The following ATXN7 variants were observed in gnomAD, a reference collection of about 807,000 sequenced individuals.
ATXN7 encodes the protein ataxin 7.
A neutral mutation model predicts 70.5 loss-of-function variants in ATXN7; 12 were observed. That is an observed-to-expected ratio of 0.17 (90% CI 0.11 to 0.28). The LOEUF is 0.28. Among genes scored for constraint, ATXN7 ranks in the 10% least tolerant of loss-of-function variants. The probability of loss-of-function intolerance (pLI) is 1.00; values close to 1 mark genes in which losing one functional copy is unlikely to be tolerated. For missense variants in ATXN7, 1,256 were observed against 1,131.7 expected (o/e 1.11, Z -1.58); for synonymous variants, 498 against 448.7 (o/e 1.11, Z -1.39).
intron 9 of ATXN7, 29 bp downstream of exon 9, chr3:63,988,353 C>A (rs963350274): frequency 5.6e-6 from 9 of 1,612,734 alleles, no homozygotes; most frequent in Non-Finnish European, 7.6e-6. Flanking sequence ...CTCTTTCTCC[C>A]ACCTTCAGAG....
At chr3:63,889,244 T>C (rs570853425) in intron 1 of ATXN7, among the ~76,000 whole-genome samples, 43 of 152,278 alleles carry the variant, frequency 2.8e-4, no homozygotes, top group African/African-American at 9.6e-4. Context: ...AAAGTAGATA[T>C]TACAATTGAT....
intron 4 of ATXN7, among the ~76,000 whole-genome samples, chr3:63,929,025 A>G (rs1490499361): frequency 1.3e-5 from 2 of 152,184 alleles, no homozygotes; most frequent in East Asian, 1.9e-4. Context: ...TCTGTAGGGT[A>G]TATAGTTTGT....
chr3:63,975,371 T>C (rs967014706), intron 5 of ATXN7, among the ~76,000 whole-genome samples: 2 of 152,216 alleles, frequency 1.3e-5, no homozygotes, highest in African/African-American at 4.8e-5. Context: ...CCAAGTAAAC[T>C]GTATTCATTA....
chr3:63,974,020 G>A (rs1280333483), intron 5 of ATXN7, among the ~76,000 whole-genome samples: 1 of 152,174 alleles, frequency 6.6e-6, no homozygotes, highest in Non-Finnish European at 1.5e-5. Context: ...CCAGTCCTAG[G>A]ATTTAACCTG....
At chr3:63,962,372 T>G (rs1575956163) in intron 5 of ATXN7, among the ~76,000 whole-genome samples, 1 of 151,924 alleles carries the variant, frequency 6.6e-6, no homozygotes. Context: ...TTGCCTCTTA[T>G]GCTTGATATA....
At chr3:63,901,113 C>G (rs1703625417) in intron 2 of ATXN7, 1 of 152,292 alleles carries the variant, frequency 6.6e-6, no homozygotes, top group East Asian at 1.9e-4. Flanking sequence ...TGAATTGGCA[C>G]TTACCTTTTT....
At chr3:63,887,506 A>G (rs1703125795) in intron 1 of ATXN7, among the ~76,000 whole-genome samples, 1 of 152,232 alleles carries the variant, frequency 6.6e-6, no homozygotes, top group Non-Finnish European at 1.5e-5. Flanking sequence ...TGATTAGCAC[A>G]TAGAAACCTC....
At chr3:63,958,233 G>A (rs1240468761) in intron 5 of ATXN7, among the ~76,000 whole-genome samples, 1 of 152,142 alleles carries the variant, frequency 6.6e-6, no homozygotes, top group African/African-American at 2.4e-5. Flanking sequence ...TCCTTGATAT[G>A]CATTGAGGTG....
At chr3:63,974,675 C>G (rs1296546241) in intron 5 of ATXN7, among the ~76,000 whole-genome samples, 2 of 152,114 alleles carry the variant, frequency 1.3e-5, no homozygotes, top group Non-Finnish European at 2.9e-5. Context: ...CATGTAAATC[C>G]CGTAGCATGG....
chr3:63,970,170 G>C (rs1001011545), intron 5 of ATXN7, among the ~76,000 whole-genome samples: 3 of 152,222 alleles, frequency 2.0e-5, no homozygotes, highest in Admixed American at 6.5e-5. Flanking sequence ...AAAGATCACA[G>C]AGGTGGCATA....
chr3:63,906,046 G>A (rs1703827126), intron 2 of ATXN7, among the ~76,000 whole-genome samples: 1 of 152,196 alleles, frequency 6.6e-6, no homozygotes, highest in Non-Finnish European at 1.5e-5. Flanking sequence ...TACTTGGGAG[G>A]AGAGGAGGAC....
At chr3:63,948,105 T>C (rs896666508) in intron 4 of ATXN7, among the ~76,000 whole-genome samples, 2 of 152,144 alleles carry the variant, frequency 1.3e-5, no homozygotes, top group Non-Finnish European at 2.9e-5. Flanking sequence ...GTTTGTAGAC[T>C]ACTTAGGGGA....
At chr3:63,947,204 A>G (rs1365037986) in intron 4 of ATXN7, among the ~76,000 whole-genome samples, 1 of 152,160 alleles carries the variant, frequency 6.6e-6, no homozygotes. Flanking sequence ...GTGCATTTCT[A>G]AGACTGGCAT....
rs1704075134 is a variant in ATXN7, at chr3:63,912,626, A to C, written c.28A>C (p.Arg10=). The C allele has an allele frequency of 9.5e-7, 1 of 1,051,418 alleles. No homozygotes were observed. The highest frequency in any genetic ancestry group is 1.7e-5 in the African/African-American group (1 of 57,274). 65.1% of individuals were successfully genotyped at this position (1,051,418 alleles called of 1,614,324 possible). A position where few individuals can be genotyped will look rare whatever the true frequency, so the allele number is the denominator to read the frequency against. MSERAADDV[R]GEPRRAAAAA... ...GTCGGAGCGGGCCGCGGATGACGTC[A>C]GGGGGGAGCCGCGCCGCGCGGCGGC... Residue 10 remains arginine, a synonymous_variant, in exon 3 of 13, where the codon AGG becomes CGG. Coordinates refer to ENST00000674280, the MANE Select transcript of ATXN7 (RefSeq NM_001377405.1).
intron 4 of ATXN7, among the ~76,000 whole-genome samples, chr3:63,939,547 TC>T (rs1478343293): frequency 6.6e-6 from 1 of 152,182 alleles, no homozygotes; most frequent in Non-Finnish European, 1.5e-5. Flanking sequence ...CCTCCAAAAA[TC>T]TGCTCTGCCA....
chr3:63,988,573 C>A, intron 9 of ATXN7: 2 of 473,484 alleles, frequency 4.2e-6, no homozygotes, highest in Middle Eastern at 5.8e-4. Flanking sequence ...ACTTGCTGAA[C>A]ATCAAGTGTC....
At chr3:63,981,863 T>C (rs996745351) in intron 6 of ATXN7, among the ~76,000 whole-genome samples, 1 of 152,224 alleles carries the variant, frequency 6.6e-6, no homozygotes, top group African/African-American at 2.4e-5. Flanking sequence ...CTTTTAGACC[T>C]TCTCATGTTT....
chr3:63,961,867 G>A (rs1256329994), intron 5 of ATXN7, among the ~76,000 whole-genome samples: 1 of 152,096 alleles, frequency 6.6e-6, no homozygotes, highest in Non-Finnish European at 1.5e-5. Context: ...GATATTTCGG[G>A]ATATAAATCC....
chr3:63,975,334 T>TC (rs1196572897), intron 5 of ATXN7, among the ~76,000 whole-genome samples: 1 of 152,216 alleles, frequency 6.6e-6, no homozygotes, highest in African/African-American at 2.4e-5. Context: ...ACCAAATTTT[T>TC]CTTCTTTAGA....
Sources: gnomAD v4.1 joint callset for allele counts (sites outside exome capture counted in the v4.1 genomes callset) on GRCh38, gnomAD v4.1.1 for gene constraint, MANE v1.5 for transcripts, NCBI Gene and HGNC (gene_info 2026-07-23, HGNC 2026-07-21) for gene names.